The following CNOT6L variants were observed in gnomAD, a reference collection of about 807,000 sequenced individuals.
The protein encoded by CNOT6L is CCR4-NOT transcription complex subunit 6-like.
CNOT6L carries 7 observed loss-of-function variants against 64.0 expected under a neutral mutation model. That is an observed-to-expected ratio of 0.11 (90% confidence interval 0.06 to 0.21). The LOEUF (loss-of-function observed/expected upper bound fraction) is 0.21, where lower values mean the gene tolerates loss of function less well. Ranked by LOEUF, CNOT6L falls within the 10% of genes least tolerant of loss-of-function variation. The pLI is 1.00. For missense variants in CNOT6L, 245 were observed against 669.0 expected, an observed-to-expected ratio of 0.37 and a Z score of 6.99; for synonymous variants, 193 against 243.4, an observed-to-expected ratio of 0.79 and a Z score of 1.93.
chr4:77,770,860 A>G (rs546079394), intron 4 of CNOT6L, among the ~76,000 whole-genome samples: 1 of 152,350 alleles, frequency 6.6e-6, no homozygotes, highest in African/African-American at 2.4e-5. Flanking sequence ...TGAAGGACTA[A>G]GGAGATAATA....
At chr4:77,793,570 C>CGGG (rs1730428835) in intron 1 of CNOT6L, among the ~76,000 whole-genome samples, 1 of 152,084 alleles carries the variant, frequency 6.6e-6, no homozygotes, top group African/African-American at 2.4e-5. Context: ...ATGCTGCCCC[C>CGGG]GTCTCTTATG....
At chr4:77,761,366 TA>T (rs1355954675) in intron 4 of CNOT6L, among the ~76,000 whole-genome samples, 1 of 152,158 alleles carries the variant, frequency 6.6e-6, no homozygotes, top group African/African-American at 2.4e-5. Flanking sequence ...AGGATAACCT[TA>T]ATGACCTGTA....
intron 1 of CNOT6L, among the ~76,000 whole-genome samples, chr4:77,818,604 G>A (rs1404437864): frequency 6.6e-6 from 1 of 152,188 alleles, no homozygotes; most frequent in Non-Finnish European, 1.5e-5. Flanking sequence ...TTCCTCCCTC[G>A]GGTCCCACAG....
intron 1 of CNOT6L, among the ~76,000 whole-genome samples, chr4:77,785,143 T>C (rs566567751): frequency 6.4e-4 from 97 of 152,320 alleles, no homozygotes; most frequent in African/African-American, 1.9e-3. Context: ...ACATGGTCAA[T>C]AGATTTACAA....
At chr4:77,782,919 T>G (rs1031267764) in intron 1 of CNOT6L, among the ~76,000 whole-genome samples, 1 of 152,038 alleles carries the variant, frequency 6.6e-6, no homozygotes, top group Non-Finnish European at 1.5e-5. Flanking sequence ...AAGATCATAT[T>G]GACAAAATTA....
Position 77,718,588 on chromosome 4 carries a change from C to T in CNOT6L, c.*1843G>A, listed in dbSNP as rs1236999573. On this transcript the variant is annotated 3_prime_UTR_variant, in exon 12 of 12. Transcript: ENST00000504123. ...TCCAATTATAATAGATGACAAACAA[C>T]GCCTCTATCACTAGGCACTTTTAAA... The T allele has an allele frequency of 6.6e-6, 1 of 152,512 alleles. No individual in the cohort carries two copies. Among genetic ancestry groups the T allele is most frequent in the Non-Finnish European group, 1.5e-5 (1 of 68,020 alleles). 9.4% of individuals were successfully genotyped at this position (152,512 alleles called of 1,614,324 possible). A position where few individuals can be genotyped will look rare whatever the true frequency, so the allele number is the denominator to read the frequency against.
chr4:77,794,278 C>G (rs34830788), intron 1 of CNOT6L, among the ~76,000 whole-genome samples: 38,928 of 149,042 alleles, frequency 0.26, 5,754 homozygotes, highest in East Asian at 0.49. Flanking sequence ...TCCACATAAA[C>G]TCTTCCATAA....
chr4:77,806,296 A>C (rs1181030893), intron 1 of CNOT6L, among the ~76,000 whole-genome samples: 2 of 152,042 alleles, frequency 1.3e-5, no homozygotes, highest in Non-Finnish European at 2.9e-5. Flanking sequence ...GTGGTGGCGC[A>C]TGCCTGTAAT....
intron 8 of CNOT6L, among the ~76,000 whole-genome samples, chr4:77,740,454 A>G (rs1412465028): frequency 6.6e-6 from 1 of 152,160 alleles, no homozygotes; most frequent in Non-Finnish European, 1.5e-5. Flanking sequence ...GTGATATCAA[A>G]AGCTCAAACA....
At chr4:77,773,827 T>C (rs1404992840) in intron 3 of CNOT6L, among the ~76,000 whole-genome samples, 1 of 151,998 alleles carries the variant, frequency 6.6e-6, no homozygotes, top group Non-Finnish European at 1.5e-5. Context: ...CAGACAAGAA[T>C]AGGATAGCAT....
intron 1 of CNOT6L, among the ~76,000 whole-genome samples, chr4:77,795,210 G>T (rs762274130): frequency 1.5e-4 from 23 of 151,716 alleles, no homozygotes; most frequent in Non-Finnish European, 2.7e-4. Context: ...GTAGAGACGG[G>T]GTTTCTCCAT....
At chr4:77,819,865 C>A (rs1241414701), upstream of CNOT6L, among the ~76,000 whole-genome samples, 1 of 151,128 alleles carries the variant, frequency 6.6e-6, no homozygotes, top group African/African-American at 2.4e-5. Context: ...GGAAGGGGGA[C>A]GAGGGCCGCG....
chr4:77,789,381 G>A (rs1729832590), intron 1 of CNOT6L, among the ~76,000 whole-genome samples: 1 of 151,612 alleles, frequency 6.6e-6, no homozygotes, highest in African/African-American at 2.4e-5. Context: ...TACAATGCAA[G>A]GACCTTTTAG....
intron 5 of CNOT6L, among the ~76,000 whole-genome samples, chr4:77,754,887 G>GAAAAAAAAAAAAAAAA (rs1725286474): frequency 8.1e-5 from 1 of 12,300 alleles, no homozygotes; most frequent in Non-Finnish European, 1.8e-4. Context: ...AACATTAGAA[G>GAAAAAAAAAAAAAAAA]TAAAAAAAAA....
At chr4:77,806,948 A>G (rs1732292432) in intron 1 of CNOT6L, among the ~76,000 whole-genome samples, 2 of 152,170 alleles carry the variant, frequency 1.3e-5, no homozygotes, top group South Asian at 4.1e-4. Context: ...ATTCCCAACT[A>G]TATGCCAAAC....
At chr4:77,811,527 A>G (rs975455426) in intron 1 of CNOT6L, among the ~76,000 whole-genome samples, 2 of 152,200 alleles carry the variant, frequency 1.3e-5, no homozygotes, top group Middle Eastern at 3.2e-3. Context: ...AGACTGGGCG[A>G]TAGAGCAAGA....
chr4:77,808,686 A>G (rs528395702), intron 1 of CNOT6L, among the ~76,000 whole-genome samples: 1 of 152,196 alleles, frequency 6.6e-6, no homozygotes, highest in Non-Finnish European at 1.5e-5. Context: ...CTAGCAAGGA[A>G]GATATTACAG....
intron 1 of CNOT6L, among the ~76,000 whole-genome samples, chr4:77,787,509 G>T (rs1161781626): frequency 6.6e-6 from 1 of 152,120 alleles, no homozygotes; most frequent in Non-Finnish European, 1.5e-5. Context: ...GCAAACTATA[G>T]CATGGCGTTT....
intron 7 of CNOT6L, among the ~76,000 whole-genome samples, chr4:77,743,973 CTCA>C (rs935479872): frequency 5.9e-5 from 9 of 152,104 alleles, no homozygotes; most frequent in African/African-American, 2.2e-4. Flanking sequence ...GTTAATTAGC[CTCA>C]TTTGATCATT....
Sources: gnomAD v4.1 joint callset for allele counts (sites outside exome capture counted in the v4.1 genomes callset) on GRCh38, gnomAD v4.1.1 for gene constraint, MANE v1.5 for transcripts, NCBI Gene and HGNC (gene_info 2026-07-23, HGNC 2026-07-21) for gene names.